The following CBX5 variants were observed in gnomAD, a reference collection of about 807,000 sequenced individuals.
CBX5 encodes chromobox 5.
In CBX5, 7 loss-of-function variants were observed where a neutral mutation model predicts 20.7. The ratio of observed to expected loss-of-function variants is 0.34; its 90% CI spans 0.19 to 0.63. The LOEUF (loss-of-function observed/expected upper bound fraction) is 0.63. CBX5 is among the 30% of genes least tolerant of loss of function. The probability of loss-of-function intolerance (pLI) is 0.75; values close to 1 mark genes in which losing one functional copy is unlikely to be tolerated. For synonymous variants in CBX5, 78 were observed against 77.0 expected (o/e 1.01, Z -0.07); for missense variants, 110 against 224.1 (o/e 0.49, Z 3.25).
At chr12:54,242,843 G>C (rs1943692384) in intron 4 of CBX5, among the ~76,000 whole-genome samples, 1 of 152,174 alleles carries the variant, frequency 6.6e-6, no homozygotes, top group Non-Finnish European at 1.5e-5. Flanking sequence ...ATCCTGAGAA[G>C]CTCAGGTGCA....
intron 3 of CBX5, 114 bp downstream of exon 3, chr12:54,251,927 T>A: frequency 1.1e-6 from 1 of 878,144 alleles, no homozygotes; most frequent in Non-Finnish European, 1.6e-6. Context: ...TTCAACAATT[T>A]ACCTTATAGG....
At chr12:54,260,129 CA>C (rs1406973805) in intron 1 of CBX5, among the ~76,000 whole-genome samples, 155 of 113,386 alleles carry the variant, frequency 1.4e-3, no homozygotes, top group African/African-American at 5.0e-3. Context: ...AGACAAAATC[CA>C]AAGACATGAA....
intron 2 of CBX5, among the ~76,000 whole-genome samples, chr12:54,252,979 CAAA>C (rs757909869): frequency 6.3e-5 from 3 of 47,264 alleles, no homozygotes; most frequent in African/African-American, 8.0e-5. Flanking sequence ...GACTCTGTCT[CAAA>C]AAAAAAAAAA....
rs886950692 is a variant in CBX5, at chr12:54,235,064, C to G, written c.*6691G>C. On this transcript the variant is annotated 3_prime_UTR_variant, in exon 5 of 5. Coordinates refer to ENST00000209875, the MANE Select transcript of CBX5 (RefSeq NM_012117.3). ...ATGAAACTATCTAAAAAACTTCACACTTTAACTTTCCAGAGCAGTTACTCT... is the reference window on the plus strand; with the variant it reads ...ATGAAACTATCTAAAAAACTTCACAGTTTAACTTTCCAGAGCAGTTACTCT... The G allele has an allele frequency of 6.6e-6, 1 of 152,214 alleles. No homozygotes were observed. The highest frequency in any genetic ancestry group is 6.5e-5 in the Admixed American group (1 of 15,276). The allele number at this position is 152,214 out of a possible 1,614,324, so 9.4% of individuals were successfully genotyped here.
chr12:54,257,361 G>A (rs1374351537), intron 2 of CBX5, among the ~76,000 whole-genome samples, 153 bp downstream of exon 2: 3 of 152,188 alleles, frequency 2.0e-5, no homozygotes, highest in Non-Finnish European at 2.9e-5. Context: ...CAAGCGGAGA[G>A]ATTTTGTTTT....
At chr12:54,272,269 AAAT>A (rs1479383490) in intron 1 of CBX5, 5 of 152,244 alleles carry the variant, frequency 3.3e-5, no homozygotes, top group East Asian at 3.8e-4. Context: ...CAGAAGAAAT[AAAT>A]AATGAGTGTG....
intron 2 of CBX5, among the ~76,000 whole-genome samples, chr12:54,252,849 G>A (rs1943820723): frequency 6.6e-6 from 1 of 151,966 alleles, no homozygotes; most frequent in Non-Finnish European, 1.5e-5. Flanking sequence ...GCTTGGTGTG[G>A]TGGTACACAT....
At chr12:54,245,211 A>G (rs1204415518) in intron 4 of CBX5, among the ~76,000 whole-genome samples, 1 of 151,842 alleles carries the variant, frequency 6.6e-6, no homozygotes, top group African/African-American at 2.4e-5. Flanking sequence ...GGAGTTCACC[A>G]TGTTAACCAG....
At chr12:54,269,131 G>A (rs1943984178) in intron 1 of CBX5, among the ~76,000 whole-genome samples, 1 of 151,980 alleles carries the variant, frequency 6.6e-6, no homozygotes, top group South Asian at 2.1e-4. Context: ...GTGGTGGCAC[G>A]TGCCTGTAGT....
chr12:54,271,031 G>C (rs1267600793), intron 1 of CBX5, among the ~76,000 whole-genome samples: 1 of 152,192 alleles, frequency 6.6e-6, no homozygotes, highest in Non-Finnish European at 1.5e-5. Context: ...ACTCCAGCTT[G>C]GGTGACAGAA....
intron 3 of CBX5, among the ~76,000 whole-genome samples, chr12:54,248,377 T>C (rs1317405820): frequency 6.6e-6 from 1 of 152,208 alleles, no homozygotes. Context: ...GATTTAGAGA[T>C]GCCCAAATGA....
intron 1 of CBX5, among the ~76,000 whole-genome samples, chr12:54,268,516 C>T (rs1232279048): frequency 6.6e-6 from 1 of 152,128 alleles, no homozygotes; most frequent in Non-Finnish European, 1.5e-5. Context: ...CCCTTTTTGT[C>T]CAATTTCCAA....
chr12:54,245,750 A>T (rs1024213961), intron 4 of CBX5, among the ~76,000 whole-genome samples: 2 of 152,056 alleles, frequency 1.3e-5, no homozygotes, highest in Non-Finnish European at 2.9e-5. Flanking sequence ...AGATCGCACC[A>T]TTGCACTCCA....
chr12:54,266,028 C>G (rs1277119575), intron 1 of CBX5, among the ~76,000 whole-genome samples: 1 of 149,594 alleles, frequency 6.7e-6, no homozygotes, highest in Non-Finnish European at 1.5e-5. Flanking sequence ...GCCTGGGCAA[C>G]AGAGGCAGAC....
chr12:54,255,615 T>TA (rs1416865413), intron 2 of CBX5: 1 of 150,558 alleles, frequency 6.6e-6, no homozygotes, highest in Non-Finnish European at 1.5e-5. Flanking sequence ...AAAAAAGAAT[T>TA]AAAGTTTTGA....
rs1299205543 is a variant in CBX5 at position 54,275,582 on chromosome 12, T to A, written c.-43+4426A>T. 2.0e-5 allele frequency among the ~76,000 whole-genome samples: 3 copies of A among 152,232 alleles called. No homozygotes were observed. The East Asian group carries it at 5.8e-4, about 29-fold the overall frequency. ...CTAAGCACAAGCGTTATAACTTCTG[T>A]AATTAGAGGCCCAACACGTATCACA... On this transcript the variant is annotated intron_variant, in intron 1 of 4. Coordinates refer to ENST00000209875, the MANE Select transcript of CBX5 (RefSeq NM_012117.3).
chr12:54,256,399 T>G (rs1269089973), intron 2 of CBX5, among the ~76,000 whole-genome samples: 3 of 152,222 alleles, frequency 2.0e-5, no homozygotes, highest in Admixed American at 6.5e-5. Context: ...TGATCCCACC[T>G]ACAACGCCAA....
chr12:54,257,439 G>A, intron 2 of CBX5, 75 bp downstream of exon 2: 4 of 1,488,882 alleles, frequency 2.7e-6, no homozygotes, highest in Non-Finnish European at 3.7e-6. Flanking sequence ...AAAAATGCTT[G>A]TGATTCCTAA....
At chr12:54,262,108 TACGTTCTCTCTC>T (rs1255865457) in intron 1 of CBX5, among the ~76,000 whole-genome samples, 2 of 152,214 alleles carry the variant, frequency 1.3e-5, no homozygotes, top group African/African-American at 4.8e-5. Flanking sequence ...ACAGGGTAGG[TACGTTCTCTCTC>T]AAGGGCAAAA....
Sources: allele counts gnomAD v4.1 joint callset (sites outside exome capture counted in the v4.1 genomes callset), GRCh38; gene constraint gnomAD v4.1.1; transcripts MANE v1.5; gene names NCBI Gene and HGNC (gene_info 2026-07-23, HGNC 2026-07-21).